Variants in EPHB2 observed in about 807,000 individuals in gnomAD.
EPHB2 encodes ephrin type-B receptor 2.
Under a neutral mutation model 96.4 loss-of-function variants are expected in EPHB2, and 18 were observed. The observed-to-expected ratio is 0.19, with a 90% CI of 0.13 to 0.28. The LOEUF is 0.28. Ranked by LOEUF, EPHB2 falls within the 10% of genes least tolerant of loss-of-function variation. The probability of loss-of-function intolerance (pLI) is 1.00; values close to 1 mark genes in which losing one functional copy is unlikely to be tolerated. For synonymous variants in EPHB2, 506 were observed against 534.1 expected, an observed-to-expected ratio of 0.95 and a Z score of 0.72; for missense variants, 989 against 1,355.4, an observed-to-expected ratio of 0.73 and a Z score of 4.25.
At chr1:22,777,016 G>C (rs925749866) in intron 1 of EPHB2, among the ~76,000 whole-genome samples, 4 of 152,200 alleles carry the variant, frequency 2.6e-5, no homozygotes, top group African/African-American at 9.7e-5. Flanking sequence ...TTCAAGTGCC[G>C]GGATATCTCG....
At position 22,784,356 on chromosome 1, in the gene EPHB2, C is replaced by T; in HGVS notation, c.127-36C>T. Reference sequence around the variant, plus strand: ...GACTGAGTGTGTGCTGGGGCTGAGCCCTTACCTCCCCACCTGACGAGCATT... The same window carrying T: ...GACTGAGTGTGTGCTGGGGCTGAGCTCTTACCTCCCCACCTGACGAGCATT... On this transcript the variant is annotated intron_variant, in intron 2 of 15. Coordinates refer to ENST00000374630, the MANE Select transcript of EPHB2 (RefSeq NM_017449.5). The surrounding 1 kb of genome is among the most constrained non-coding windows in gnomAD (Gnocchi z 5.1). The T allele has an allele frequency of 6.2e-7, 1 of 1,606,154 alleles. No individual in the cohort carries two copies. Among genetic ancestry groups the T allele is most frequent in the Non-Finnish European group, 8.5e-7 (1 of 1,173,594 alleles).
At chr1:22,754,925 T>TGAGGAGAGGGGCAGGG (rs1557654900) in intron 1 of EPHB2, among the ~76,000 whole-genome samples, 1 of 139,408 alleles carries the variant, frequency 7.2e-6, no homozygotes, top group Non-Finnish European at 1.6e-5. Context: ...GCAGGGGAGG[T>TGAGGAGAGGGGCAGGG]GAGGTGAGGG....
Position 22,916,194 on chromosome 1 carries a change from T to G in EPHB2, c.*2624T>G, listed in dbSNP as rs1281566481. On this transcript the variant is annotated 3_prime_UTR_variant, in exon 16 of 16. Coordinates refer to ENST00000374630, the MANE Select transcript of EPHB2 (RefSeq NM_017449.5). This position sits in a 1 kb window ranked among gnomAD's most constrained non-coding sequence, Gnocchi z 4.2. The stretch of plus-strand genomic sequence containing the variant: ...CACCTTCTGGTGGGAGCTGCCCTGA[T>G]GCTCTTTAGATTAGTTCTGTCTCCC... 4 of 152,308 alleles carry G rather than the reference T, an allele frequency of 2.6e-5. No homozygotes were observed. The highest frequency in any genetic ancestry group is 6.5e-5 in the Admixed American group (1 of 15,292). The allele number at this position is 152,308 out of a possible 1,614,324, so 9.4% of individuals were successfully genotyped here. A position where few individuals can be genotyped will look rare whatever the true frequency, so the allele number is the denominator to read the frequency against.
In EPHB2 at chr1:22,733,237, C is replaced by T. The variant is rs993883645; in HGVS notation, c.61+22194C>T. Reference sequence around the variant, plus strand: ...CTGATTTTTGTATTTTTAGTAGAGACGGGGTTTCACCGTGTTGGCCAGGCT... The same window carrying T: ...CTGATTTTTGTATTTTTAGTAGAGATGGGGTTTCACCGTGTTGGCCAGGCT... On this transcript the variant is annotated intron_variant, in intron 1 of 15. Transcript: ENST00000374630. The surrounding 1 kb of genome is among the most constrained non-coding windows in gnomAD (Gnocchi z 4.6). 2.0e-5 allele frequency among the ~76,000 whole-genome samples: 3 copies of T among 152,042 alleles called. No homozygotes were observed. Among genetic ancestry groups the T allele is most frequent in the African/African-American group, 7.2e-5 (3 of 41,388 alleles).
intron 1 of EPHB2, among the ~76,000 whole-genome samples, chr1:22,724,089 TC>T (rs931767232): frequency 1.6e-4 from 24 of 152,228 alleles, no homozygotes; most frequent in African/African-American, 5.8e-4. Flanking sequence ...TGATTTCTTT[TC>T]TTTTTCACAT....
intron 1 of EPHB2, among the ~76,000 whole-genome samples, chr1:22,744,821 A>G (rs1257188805): frequency 1.3e-5 from 2 of 151,924 alleles, no homozygotes; most frequent in Non-Finnish European, 2.9e-5. Context: ...CCACAGCACT[A>G]CAGACTGGGT....
chr1:22,776,192 C>T (rs1379151672), intron 1 of EPHB2, among the ~76,000 whole-genome samples: 8 of 152,198 alleles, frequency 5.3e-5, no homozygotes, highest in African/African-American at 1.9e-4. Context: ...CCACAAACCC[C>T]GCTGTGGCTC....
intron 15 of EPHB2, chr1:22,912,833 T>C: frequency 1.7e-6 from 1 of 573,864 alleles, no homozygotes; most frequent in East Asian, 3.4e-5. Context: ...AGCCTCCGTT[T>C]TCTCACCTAC....
At chr1:22,781,320 A>C (rs1208245234) in intron 1 of EPHB2, 101 bp from the exon 2 acceptor site, 1 of 85,560 alleles carries the variant, frequency 1.2e-5, no homozygotes, top group East Asian at 9.2e-5. Flanking sequence ...ACTCCGTCTA[A>C]AAAAAAAAAA....
Position 22,914,994 on chromosome 1 carries a change from C to G in EPHB2, c.*1424C>G, listed in dbSNP as rs1017129953. On this transcript the variant is annotated 3_prime_UTR_variant, in exon 16 of 16. Transcript: ENST00000374630. ...CCCCTTTGAGGCTCCTGAGTGCCCT[C>G]AGATGGTCAAAACCCAGTTTTCCCT... 7 of 152,644 alleles carry G rather than the reference C, an allele frequency of 4.6e-5. No homozygotes were observed. The highest frequency in any genetic ancestry group is 7.2e-5 in the African/African-American group (3 of 41,446). The allele number at this position is 152,644 out of a possible 1,614,324, so 9.5% of individuals were successfully genotyped here. A position where few individuals can be genotyped will look rare whatever the true frequency, so the allele number is the denominator to read the frequency against.
chr1:22,805,158 C>T (rs566181465), intron 3 of EPHB2, among the ~76,000 whole-genome samples: 1 of 152,040 alleles, frequency 6.6e-6, no homozygotes, highest in South Asian at 2.1e-4. Flanking sequence ...GAGCCATGCA[C>T]CCGGAGTCCA....
intron 1 of EPHB2, among the ~76,000 whole-genome samples, chr1:22,730,702 C>T: frequency 6.6e-6 from 1 of 151,766 alleles, no homozygotes; most frequent in East Asian, 1.9e-4. Flanking sequence ...CAGGGGTGTG[C>T]AAGGCAGCCA....
chr1:22,730,661 C>T (rs2148351078), intron 1 of EPHB2, among the ~76,000 whole-genome samples: 1 of 151,910 alleles, frequency 6.6e-6, no homozygotes, highest in East Asian at 1.9e-4. Context: ...GTGTTTCAGG[C>T]AGTGAGGAGA....
At chr1:22,808,962 G>T (rs1342296108) in intron 3 of EPHB2, among the ~76,000 whole-genome samples, 1 of 152,224 alleles carries the variant, frequency 6.6e-6, no homozygotes, top group East Asian at 1.9e-4. Context: ...TGGGCATCCT[G>T]CCTTGCTATA....
chr1:22,717,671 T>C (rs1366477229), intron 1 of EPHB2, among the ~76,000 whole-genome samples: 1 of 152,238 alleles, frequency 6.6e-6, no homozygotes, highest in Non-Finnish European at 1.5e-5. Context: ...GGCACTCAGC[T>C]GTGTCCATTC....
intron 1 of EPHB2, among the ~76,000 whole-genome samples, chr1:22,720,196 C>G (rs985526970): frequency 6.6e-6 from 1 of 152,230 alleles, no homozygotes; most frequent in African/African-American, 2.4e-5. Context: ...GCTCTAATGT[C>G]ACAAAGTGTC....
At chr1:22,823,186 A>C (rs1485578636) in intron 3 of EPHB2, among the ~76,000 whole-genome samples, 1 of 152,112 alleles carries the variant, frequency 6.6e-6, no homozygotes, top group Admixed American at 6.6e-5. Flanking sequence ...AGCACCCTCA[A>C]CTGCCTCGCT....
chr1:22,888,149 C>A (rs2148559745), intron 6 of EPHB2, among the ~76,000 whole-genome samples: 1 of 152,290 alleles, frequency 6.6e-6, no homozygotes, highest in African/African-American at 2.4e-5. Flanking sequence ...TCAAGTGATT[C>A]TCCAGCCTCA....
chr1:22,785,181 C>A, intron 3 of EPHB2, 105 bp downstream of exon 3: 1 of 1,393,886 alleles, frequency 7.2e-7, no homozygotes, highest in Non-Finnish European at 9.7e-7. Flanking sequence ...TTAGAGCTGA[C>A]CATGAGGCAC....
Sources: allele counts gnomAD v4.1 joint callset (sites outside exome capture counted in the v4.1 genomes callset), GRCh38; gene constraint gnomAD v4.1.1; non-coding constraint Gnocchi (gnomAD v3.1); transcripts MANE v1.5; gene names NCBI Gene and HGNC (gene_info 2026-07-23, HGNC 2026-07-21).